CCDC150: variants seen among roughly 807,000 people sequenced by gnomAD.
The protein encoded by CCDC150 is coiled-coil domain-containing protein 150.
A neutral mutation model predicts 156.5 loss-of-function variants in CCDC150; 151 were observed. That is an observed-to-expected ratio of 0.97 (90% confidence interval 0.85 to 1.10). The LOEUF is 1.10. CCDC150 is among the 50% of genes least tolerant of loss of function. The pLI, the probability that CCDC150 is intolerant of heterozygous loss-of-function variation, is 0.00. For synonymous variants in CCDC150, 452 were observed against 429.4 expected (o/e 1.05, Z -0.65); for missense variants, 1,312 against 1,268.1 (o/e 1.03, Z -0.53).
intron 7 of CCDC150, among the ~76,000 whole-genome samples, chr2:196,669,468 G>C (rs894332698): frequency 1.3e-5 from 2 of 152,052 alleles, no homozygotes; most frequent in Non-Finnish European, 2.9e-5. Context: ...GACCAGAGTC[G>C]GTCCTCATCG....
At chr2:196,650,594 A>G (rs1575751941) in intron 2 of CCDC150, among the ~76,000 whole-genome samples, 2 of 152,266 alleles carry the variant, frequency 1.3e-5, no homozygotes, top group Admixed American at 1.3e-4. Flanking sequence ...GGGTTTCACC[A>G]TGTTGGTCAG....
intron 13 of CCDC150, among the ~76,000 whole-genome samples, chr2:196,684,524 A>G (rs997172640): frequency 5.9e-5 from 9 of 152,104 alleles, no homozygotes; most frequent in Non-Finnish European, 1.0e-4. Context: ...GTATTTTGCT[A>G]TTATTGGGAG....
intron 16 of CCDC150, 31 bp from the exon 17 acceptor site, chr2:196,712,646 G>A: frequency 6.4e-7 from 1 of 1,569,502 alleles, no homozygotes; most frequent in Non-Finnish European, 8.7e-7. Flanking sequence ...GCAGTTGTGA[G>A]GAACAAGTAT....
intron 27 of CCDC150, 96 bp from the exon 28 acceptor site, chr2:196,732,350 C>A: frequency 8.9e-7 from 1 of 1,123,516 alleles, no homozygotes; most frequent in Non-Finnish European, 1.3e-6. Context: ...AATCACTTGT[C>A]TTCATGAATA....
At chr2:196,718,447 T>A in intron 17 of CCDC150, 56 bp from the exon 18 acceptor site, 1 of 1,424,392 alleles carries the variant, frequency 7.0e-7, no homozygotes. Context: ...AATTTCTATG[T>A]CTTATTCTAA....
intron 20 of CCDC150, among the ~76,000 whole-genome samples, chr2:196,720,886 CTT>C (rs2125706418): frequency 6.6e-6 from 1 of 152,036 alleles, no homozygotes; most frequent in East Asian, 1.9e-4. Flanking sequence ...AACTCTTTGT[CTT>C]ATATGGTCTT....
At chr2:196,676,348 T>C (rs1177186491) in intron 11 of CCDC150, 81 bp downstream of exon 11, 13 of 1,524,100 alleles carry the variant, frequency 8.5e-6, no homozygotes, top group African/African-American at 6.9e-5. Context: ...CTCAGTCTTA[T>C]CGTCAATGAA....
intron 18 of CCDC150, 43 bp downstream of exon 18, chr2:196,718,674 G>A (rs769456099): frequency 1.3e-5 from 21 of 1,603,116 alleles, no homozygotes; most frequent in Non-Finnish European, 1.7e-5. Context: ...CTGAGAAGAA[G>A]CACTTATGAA....
chr2:196,671,427 CTTTTTTT>C (rs397987214), intron 8 of CCDC150, among the ~76,000 whole-genome samples: 8 of 108,652 alleles, frequency 7.4e-5, no homozygotes, highest in African/African-American at 1.3e-4. Context: ...TTTTCTCTCT[CTTTTTTT>C]TTTTTTTTTT....
At chr2:196,700,258 G>A (rs1696119721) in intron 14 of CCDC150, among the ~76,000 whole-genome samples, 1 of 152,226 alleles carries the variant, frequency 6.6e-6, no homozygotes, top group Admixed American at 6.5e-5. Context: ...GCTTATGAGT[G>A]ATTAAGAGTT....
At position 196,656,746 on chromosome 2, in the gene CCDC150, G is replaced by A. The variant is rs772370932; in HGVS notation, c.290G>A (p.Cys97Tyr). The A allele has an allele frequency of 1.9e-6, 3 of 1,571,624 alleles. No homozygotes were observed. In the Admixed American group the frequency reaches 5.1e-5, roughly 27 times the overall value. ...AAAACAGATATTTTATGGAAGAACT[G>A]TGAGTTTCTGGTAAATCGAATGTGC... ...AGKTDILWKN[C>Y]EFLVNRMCRL... Residue 97 changes from cysteine (C) to tyrosine (Y), a missense_variant, in exon 3 of 28, where the codon TGT becomes TAT. By Grantham distance (194) the Cys-to-Tyr change is radical (BLOSUM62 -2). Transcript: ENST00000389175.
intron 13 of CCDC150, among the ~76,000 whole-genome samples, chr2:196,691,722 C>A (rs1268982768): frequency 2.0e-5 from 3 of 152,002 alleles, no homozygotes; most frequent in Admixed American, 6.5e-5. Flanking sequence ...GCAGGTGGAT[C>A]ACGAGGTCAG....
chr2:196,680,512 G>C (rs2125624246), intron 13 of CCDC150, among the ~76,000 whole-genome samples: 1 of 152,080 alleles, frequency 6.6e-6, no homozygotes, highest in Non-Finnish European at 1.5e-5. Flanking sequence ...ATGTTGCCTG[G>C]CCAGTCTCGA....
intron 2 of CCDC150, among the ~76,000 whole-genome samples, chr2:196,648,952 G>T (rs1019857615): frequency 1.3e-5 from 2 of 152,112 alleles, no homozygotes; most frequent in African/African-American, 4.8e-5. Context: ...GACCATAAAT[G>T]CATGGGTTTA....
At chr2:196,670,157 G>A (rs1210051186) in intron 8 of CCDC150, among the ~76,000 whole-genome samples, 4 of 152,098 alleles carry the variant, frequency 2.6e-5, no homozygotes, top group Non-Finnish European at 5.9e-5. Flanking sequence ...TTAATGAAAT[G>A]TAAGAAATAT....
chr2:196,732,561 G>T lies in CCDC150; in HGVS notation c.3305G>T (p.Ter1102LeuextTer3). Reference sequence around the variant, plus strand: ...TATCATTCTGAGGTACAGAGGAAGTGATGTCCTTGACAAGGGAGCTTCTTT... The same window carrying T: ...TATCATTCTGAGGTACAGAGGAAGTTATGTCCTTGACAAGGGAGCTTCTTT... ...KKYHSEVQRK[*>L] is the part of the protein sequence containing the mutation. The change falls in exon 28 of 28, where the codon TGA becomes TTA. Residue 1102 changes from the stop codon to leucine, a stop_lost. Transcript: ENST00000389175. 1 of 1,595,728 alleles carries T rather than the reference G, an allele frequency of 6.3e-7. No individual in the cohort carries two copies. The highest frequency in any genetic ancestry group is 1.1e-5 in the South Asian group (1 of 90,712).
chr2:196,713,845 A>G (rs550973545), intron 17 of CCDC150, among the ~76,000 whole-genome samples: 1 of 152,328 alleles, frequency 6.6e-6, no homozygotes, highest in Non-Finnish European at 1.5e-5. Context: ...TATCCTAGCC[A>G]TCACATAATT....
In CCDC150 at chr2:196,656,634, G is replaced by T. The variant is rs890864456; in HGVS notation, c.178G>T (p.Gly60Cys). 9 of 1,600,836 alleles carry T rather than the reference G, an allele frequency of 5.6e-6. No individual in the cohort carries two copies. In the Admixed American group the frequency reaches 6.9e-5, roughly 12 times the overall value. ...TGTTATATTGGGATCTTTGTCCAGA[G>T]GCTATTTGGAAGCTCCAGACTGTTT... ...LIMLDFGEKRGYLEAPDCLED... is the reference protein window; with the variant it reads ...LIMLDFGEKRCYLEAPDCLED... Residue 60 changes from glycine (G) to cysteine (C), a missense_variant and splice_region_variant, in exon 3 of 28, where the codon GGC becomes TGC. Coordinates refer to ENST00000389175, the MANE Select transcript of CCDC150 (RefSeq NM_001080539.2).
At chr2:196,725,902 C>G in intron 21 of CCDC150, 71 bp from the exon 22 acceptor site, 2 of 1,422,830 alleles carry the variant, frequency 1.4e-6, no homozygotes, top group Non-Finnish European at 1.9e-6. Flanking sequence ...GTTGCACACT[C>G]CCCTCCAAAA....
Sources: gnomAD v4.1 joint callset for allele counts (sites outside exome capture counted in the v4.1 genomes callset) on GRCh38, gnomAD v4.1.1 for gene constraint, MANE v1.5 for transcripts, NCBI Gene and HGNC (gene_info 2026-07-23, HGNC 2026-07-21) for gene names.